FAAH: variants seen among roughly 807,000 people sequenced by gnomAD.
FAAH encodes the protein fatty acid amide hydrolase.
FAAH carries 63 observed loss-of-function variants against 69.7 expected under a neutral mutation model. The observed-to-expected ratio is 0.90, with a 90% confidence interval of 0.74 to 1.12. FAAH has a LOEUF of 1.12. Ranked by LOEUF, FAAH falls within the 50% of genes most tolerant of loss-of-function variation. FAAH has a pLI of 0.00. For synonymous variants in FAAH, 305 were observed against 324.2 expected, an observed-to-expected ratio of 0.94 and a Z score of 0.64; for missense variants, 680 against 755.0, an observed-to-expected ratio of 0.90 and a Z score of 1.16.
At chr1:46,412,974 C>A in intron 13 of FAAH, 101 bp from the exon 14 acceptor site, 1 of 1,410,678 alleles carries the variant, frequency 7.1e-7, no homozygotes. Flanking sequence ...CTTTCTCTGG[C>A]TGTAGACACA....
Position 46,398,230 on chromosome 1 carries a change from C to T in FAAH, c.195+3687C>T, listed in dbSNP as rs867923818. Among the ~76,000 whole-genome samples, 10 of 152,178 alleles carry T rather than the reference C, an allele frequency of 6.6e-5. No individual in the cohort carries two copies. In the South Asian group the frequency reaches 1.0e-3, roughly 16 times the overall value. On this transcript the variant is annotated intron_variant, in intron 1 of 14. Coordinates refer to ENST00000243167, the MANE Select transcript of FAAH (RefSeq NM_001441.3). ...GATAACAGGTGTGAGCCACCTCACC[C>T]GGCCAGGACGTGGGAGTTTTAGCTG...
At position 46,411,927 on chromosome 1, in the gene FAAH, A is replaced by T. The variant is rs1664922833; in HGVS notation, c.1357-216A>T. On this transcript the variant is annotated intron_variant, in intron 12 of 14. Coordinates refer to ENST00000243167, the MANE Select transcript of FAAH (RefSeq NM_001441.3). The surrounding 1 kb of genome is among the most constrained non-coding windows in gnomAD (Gnocchi z 4.8). ...CTTTGTGTGGCTCCGCCTCAGCGGGAAGAGGTGTATCCACAATTCATTCTG... is the reference window on the plus strand; with the variant it reads ...CTTTGTGTGGCTCCGCCTCAGCGGGTAGAGGTGTATCCACAATTCATTCTG... 6.6e-6 allele frequency among the ~76,000 whole-genome samples: 1 copy of T among 152,196 alleles called. No homozygotes were observed. The highest frequency in any genetic ancestry group is 2.4e-5 in the African/African-American group (1 of 41,444).
chr1:46,403,769 C>T (rs1380257050), intron 2 of FAAH, among the ~76,000 whole-genome samples: 1 of 152,278 alleles, frequency 6.6e-6, no homozygotes, highest in Non-Finnish European at 1.5e-5. Flanking sequence ...GGCCTACTCT[C>T]ATTCTAATAG....
intron 1 of FAAH, among the ~76,000 whole-genome samples, 197 bp from the exon 2 acceptor site, chr1:46,401,894 A>T (rs959592633): frequency 6.6e-6 from 1 of 151,886 alleles, no homozygotes; most frequent in East Asian, 1.9e-4. Context: ...GAAAAAAAAA[A>T]CCTACTTGGG....
intron 7 of FAAH, 83 bp downstream of exon 7, chr1:46,406,451 C>T (rs1664796885): frequency 6.3e-7 from 1 of 1,587,576 alleles, no homozygotes; most frequent in Non-Finnish European, 8.6e-7. Flanking sequence ...CTTGGAGCCC[C>T]TGTCTCCTGA....
chr1:46,402,506 T>G (rs1664721613), intron 2 of FAAH, among the ~76,000 whole-genome samples: 1 of 152,194 alleles, frequency 6.6e-6, no homozygotes, highest in South Asian at 2.1e-4. Context: ...GCAACAAGTC[T>G]GGTCTGTTCC....
intron 7 of FAAH, among the ~76,000 whole-genome samples, chr1:46,406,994 A>G (rs1295107225): frequency 6.6e-6 from 1 of 152,006 alleles, no homozygotes; most frequent in African/African-American, 2.4e-5. Context: ...CCTTCAGCAA[A>G]CAGCAGCCTT....
intron 1 of FAAH, among the ~76,000 whole-genome samples, chr1:46,397,932 C>CT (rs1047486835): frequency 0.13 from 15,240 of 117,974 alleles, 1,582 homozygotes; most frequent in African/African-American, 0.23. Context: ...GTCTTGAACT[C>CT]TTTTTTTTTT....
At chr1:46,400,678 G>T (rs548723170) in intron 1 of FAAH, among the ~76,000 whole-genome samples, 1 of 148,586 alleles carries the variant, frequency 6.7e-6, no homozygotes, top group East Asian at 2.0e-4. Flanking sequence ...GACAGGGAAG[G>T]TGGACAGGTG....
At position 46,410,920 on chromosome 1, in the gene FAAH, G is replaced by T. The variant is rs781239873; in HGVS notation, c.1316+66G>T. 11 of 1,601,232 alleles carry T rather than the reference G, an allele frequency of 6.9e-6. No homozygotes were observed. The highest frequency in any genetic ancestry group is 2.7e-5 in the African/African-American group (2 of 74,674). On this transcript the variant is annotated intron_variant, in intron 11 of 14. Coordinates refer to ENST00000243167, the MANE Select transcript of FAAH (RefSeq NM_001441.3). This position sits in a 1 kb window ranked among gnomAD's most constrained non-coding sequence, Gnocchi z 4.9. ...CCTGATCCGAGTCTGGGTCTGGGTA[G>T]TTTCTGACAGGAAAGGACTTGAGGG... is the stretch of plus-strand genomic sequence containing the variant.
At position 46,413,680 on chromosome 1, in the gene FAAH, G is replaced by C; in HGVS notation, c.*105G>C. 2.6e-6 allele frequency: 4 copies of C among 1,549,344 alleles called. No homozygotes were observed. The highest frequency in any genetic ancestry group is 3.5e-6 in the Non-Finnish European group (4 of 1,132,066). On this transcript the variant is annotated 3_prime_UTR_variant, in exon 15 of 15. Transcript: ENST00000243167. ...GCAAGGAAATGTCCTGCATGGGGCA[G>C]AGGCTTCCGTGTCCTCTCCCCCAAC...
rs1664946374 is a variant in FAAH, at chr1:46,413,130, G to A, written c.1521G>A (p.Val507=). Residue 507 remains valine, a synonymous_variant, in exon 14 of 15, where the codon GTG becomes GTA. Transcript: ENST00000243167. ...YNCLDFPAGV[V]PVTTVTAEDE... is the part of the protein sequence containing the mutation. ...GCCTGGACTTCCCTGCAGGGGTGGT[G>A]CCTGTCACCACGGTGACTGCTGAGG... 1 of 1,614,038 alleles carries A rather than the reference G, an allele frequency of 6.2e-7. No homozygotes were observed. Among genetic ancestry groups the A allele is most frequent in the African/African-American group, 1.3e-5 (1 of 74,908 alleles).
chr1:46,397,760 C>T lies in FAAH; in HGVS notation c.195+3217C>T, dbSNP rs541001824. Among the ~76,000 whole-genome samples the T allele has an allele frequency of 2.9e-4, 44 of 150,566 alleles. 1 individual carries two copies. The highest frequency in any genetic ancestry group is 1.0e-3 in the African/African-American group (41 of 40,904). On this transcript the variant is annotated intron_variant, in intron 1 of 14. Transcript: ENST00000243167. ...CATTTTTAGTAGAGACGGGGCTTCA[C>T]CATGTTGGCCATGGCTGGCCTCGAC...
In FAAH at chr1:46,411,721, G is replaced by A. The variant is rs1664917855; in HGVS notation, c.1356+70G>A. 1 of 1,568,516 alleles carries A rather than the reference G, an allele frequency of 6.4e-7. No individual in the cohort carries two copies. The highest frequency in any genetic ancestry group is 1.1e-5 in the South Asian group (1 of 88,646). The stretch of plus-strand genomic sequence containing the variant: ...GTGGAGTTGGACAGGGTACCCGCTA[G>A]CAGTGTCTCGTGGCCACTGCCCCCA... On this transcript the variant is annotated intron_variant, in intron 12 of 14. Coordinates refer to ENST00000243167, the MANE Select transcript of FAAH (RefSeq NM_001441.3). The surrounding 1 kb of genome is among the most constrained non-coding windows in gnomAD (Gnocchi z 4.8).
intron 2 of FAAH, among the ~76,000 whole-genome samples, chr1:46,403,372 C>T (rs1241002030): frequency 2.0e-5 from 3 of 152,218 alleles, no homozygotes; most frequent in Non-Finnish European, 4.4e-5. Context: ...GCTGGGATTA[C>T]AGGCGTGAGC....
chr1:46,410,456 C>T lies in FAAH; in HGVS notation c.1234C>T (p.Gln412Ter). ...CCTGGTCTCAATTCTGAAGCTTCCC[C>T]AATGGCTTAAAGGACTGCTGGCCTT... is the stretch of plus-strand genomic sequence containing the variant. ...GDLVSILKLP[Q>*]WLKGLLAFLV... Residue 412 changes from glutamine (Q) to a stop codon, truncating the protein, a stop_gained, in exon 10 of 15, where the codon CAA (glutamine) becomes TAA (stop). Transcript: ENST00000243167. LOFTEE classifies it high-confidence loss of function. This position sits in a 1 kb window ranked among gnomAD's most constrained non-coding sequence, Gnocchi z 4.9. The T allele has an allele frequency of 6.2e-7, 1 of 1,614,116 alleles. No individual in the cohort carries two copies. Among genetic ancestry groups the T allele is most frequent in the Non-Finnish European group, 8.5e-7 (1 of 1,180,020 alleles).
intron 13 of FAAH, among the ~76,000 whole-genome samples, 169 bp from the exon 14 acceptor site, chr1:46,412,906 G>A (rs931726456): frequency 7.9e-5 from 12 of 152,148 alleles, no homozygotes; most frequent in African/African-American, 2.7e-4. Flanking sequence ...TGTCCAGCCC[G>A]GCCCTGAAAT....
intron 1 of FAAH, among the ~76,000 whole-genome samples, chr1:46,396,596 G>T (rs180852729): frequency 1.4e-5 from 2 of 143,916 alleles, no homozygotes; most frequent in East Asian, 3.9e-4. Flanking sequence ...CGGGAGAATG[G>T]CGATGACTTT....
At chr1:46,406,778 T>C (rs934914070) in intron 7 of FAAH, among the ~76,000 whole-genome samples, 1 of 151,636 alleles carries the variant, frequency 6.6e-6, no homozygotes, top group African/African-American at 2.4e-5. Flanking sequence ...ATTTTTTTTG[T>C]ATTTTTAGTA....
Sources: allele counts gnomAD v4.1 joint callset (sites outside exome capture counted in the v4.1 genomes callset), GRCh38; gene constraint gnomAD v4.1.1; non-coding constraint Gnocchi (gnomAD v3.1); transcripts MANE v1.5; gene names NCBI Gene and HGNC (gene_info 2026-07-23, HGNC 2026-07-21).